The following TRMT1L variants were observed in gnomAD, a reference collection of about 807,000 sequenced individuals.
TRMT1L encodes tRNA (guanine(27)-N(2))-dimethyltransferase.
In TRMT1L, 28 loss-of-function variants were observed where a neutral mutation model predicts 81.6. That is an observed-to-expected ratio of 0.34 (90% CI 0.25 to 0.47). The LOEUF (loss-of-function observed/expected upper bound fraction) is 0.47, where lower values mean the gene tolerates loss of function less well. Among genes scored for constraint, TRMT1L ranks in the 20% least tolerant of loss-of-function variants. The pLI is 1.00. For missense variants in TRMT1L, 739 were observed against 877.1 expected (o/e 0.84, Z 1.99); for synonymous variants, 301 against 303.2 (o/e 0.99, Z 0.07).
chr1:185,139,266 A>G (rs1652976008), intron 9 of TRMT1L, 101 bp downstream of exon 9: 5 of 922,336 alleles, frequency 5.4e-6, no homozygotes, highest in Non-Finnish European at 8.0e-6. Context: ...TACAGAATTT[A>G]TATTTTGTGC....
At chr1:185,124,875 A>G in intron 12 of TRMT1L, 69 bp downstream of exon 12, 1 of 1,388,900 alleles carries the variant, frequency 7.2e-7, no homozygotes, top group Non-Finnish European at 9.8e-7. Context: ...AACATCAAAT[A>G]CAATTGAAAA....
intron 10 of TRMT1L, among the ~76,000 whole-genome samples, chr1:185,132,900 TAGG>T (rs759367545): frequency 1.3e-5 from 2 of 152,222 alleles, no homozygotes; most frequent in African/African-American, 4.8e-5. Flanking sequence ...GGATCTGCGA[TAGG>T]AGATTTATCA....
intron 13 of TRMT1L, among the ~76,000 whole-genome samples, chr1:185,123,522 A>G (rs1163147005): frequency 6.6e-6 from 1 of 152,100 alleles, no homozygotes; most frequent in East Asian, 1.9e-4. Context: ...TTAATGAGCA[A>G]TTTTTAAAAG....
chr1:185,151,686 G>T, intron 2 of TRMT1L, 139 bp downstream of exon 2: 1 of 488,734 alleles, frequency 2.0e-6, no homozygotes, highest in Non-Finnish European at 3.5e-6. Context: ...CCAATTTCCT[G>T]AATAAAAAAC....
intron 10 of TRMT1L, among the ~76,000 whole-genome samples, chr1:185,134,624 T>C (rs1240262534): frequency 6.6e-6 from 1 of 152,276 alleles, no homozygotes; most frequent in African/African-American, 2.4e-5. Flanking sequence ...TTTATAGTTA[T>C]CACTTATCAA....
In TRMT1L at chr1:185,156,908, C is replaced by T. The variant is rs889156239; in HGVS notation, c.-196G>A. On this transcript the variant is annotated 5_prime_UTR_variant, in exon 1 of 15. Coordinates refer to ENST00000367506, the MANE Select transcript of TRMT1L (RefSeq NM_030934.5). Reference sequence around the variant, plus strand: ...TTAGTAGAAAACAGAAAGCCAGAGGCAGCGATTCCAGATGCCCGTCCGCTT... The same window carrying T: ...TTAGTAGAAAACAGAAAGCCAGAGGTAGCGATTCCAGATGCCCGTCCGCTT... The T allele has an allele frequency of 1.4e-5, 10 of 725,930 alleles. No homozygotes were observed. Among genetic ancestry groups the T allele is most frequent in the Non-Finnish European group, 2.1e-5 (10 of 473,362 alleles). The allele number at this position is 725,930 out of a possible 1,614,324, so 45.0% of individuals were successfully genotyped here.
intron 1 of TRMT1L, among the ~76,000 whole-genome samples, chr1:185,152,684 T>C (rs771941818): frequency 7.9e-5 from 12 of 151,962 alleles, no homozygotes; most frequent in Non-Finnish European, 1.5e-4. Flanking sequence ...GCAACAGAAC[T>C]TGGGATATGA....
chr1:185,144,093 A>T (rs1413001494), intron 5 of TRMT1L, 64 bp from the exon 6 acceptor site: 1 of 1,422,006 alleles, frequency 7.0e-7, no homozygotes, highest in Middle Eastern at 1.9e-4. Flanking sequence ...AAAGATTTCC[A>T]AGAAAACACA....
At chr1:185,146,999 A>G (rs753869826) in intron 4 of TRMT1L, among the ~76,000 whole-genome samples, 183 bp downstream of exon 4, 119 of 151,524 alleles carry the variant, frequency 7.9e-4, no homozygotes, top group African/African-American at 2.5e-3. Context: ...GAACTTCAAT[A>G]TAACAATTAT....
chr1:185,149,792 C>T (rs907123165), intron 3 of TRMT1L, among the ~76,000 whole-genome samples: 4 of 152,054 alleles, frequency 2.6e-5, no homozygotes, highest in South Asian at 2.1e-4. Flanking sequence ...TTCTGTCCTT[C>T]GATTTTATTC....
At position 185,144,036 on chromosome 1, in the gene TRMT1L, T is replaced by G; in HGVS notation, c.656-7A>C. 1 of 1,564,630 alleles carries G rather than the reference T, an allele frequency of 6.4e-7. No homozygotes were observed. Among genetic ancestry groups the G allele is most frequent in the Non-Finnish European group, 8.6e-7 (1 of 1,159,380 alleles). ...GGTGGTTTAGCAGTGGAAGCTAAGATGGAAAAAAGAAAAGATTTCCAGGGA... is the reference window on the plus strand; with the variant it reads ...GGTGGTTTAGCAGTGGAAGCTAAGAGGGAAAAAAGAAAAGATTTCCAGGGA... On this transcript the variant is annotated splice_region_variant and splice_polypyrimidine_tract_variant and intron_variant, in intron 5 of 14. Coordinates refer to ENST00000367506, the MANE Select transcript of TRMT1L (RefSeq NM_030934.5).
At chr1:185,131,306 C>T (rs1206309768) in intron 10 of TRMT1L, among the ~76,000 whole-genome samples, 13 of 152,084 alleles carry the variant, frequency 8.5e-5, no homozygotes, top group Non-Finnish European at 1.5e-4. Flanking sequence ...AGCTCTGCCC[C>T]AAGTGCTTTA....
chr1:185,149,505 T>C (rs1228220723), intron 3 of TRMT1L, among the ~76,000 whole-genome samples: 3 of 152,000 alleles, frequency 2.0e-5, no homozygotes, highest in African/African-American at 7.3e-5. Flanking sequence ...GGTCTTACTA[T>C]GTTGCTCAGG....
At chr1:185,150,519 C>A in intron 2 of TRMT1L, 27 bp from the exon 3 acceptor site, 1 of 1,512,230 alleles carries the variant, frequency 6.6e-7, no homozygotes, top group East Asian at 2.3e-5. Context: ...AATCAATAAA[C>A]AACAGAATAT....
chr1:185,122,046 T>A (rs1461481415), intron 13 of TRMT1L, among the ~76,000 whole-genome samples: 1 of 152,166 alleles, frequency 6.6e-6, no homozygotes, highest in Non-Finnish European at 1.5e-5. Context: ...GGCTTTGGTT[T>A]TCTGTTCTTG....
intron 12 of TRMT1L, 191 bp downstream of exon 12, chr1:185,124,753 C>T (rs187991797): frequency 3.8e-5 from 16 of 421,738 alleles, no homozygotes; most frequent in African/African-American, 3.1e-4. Context: ...TCATCTCAGG[C>T]CTGATTACAA....
Position 185,150,491 on chromosome 1 carries a change from G to A in TRMT1L, c.348C>T (p.Gly116=), listed in dbSNP as rs762691702. The A allele has an allele frequency of 6.2e-7, 1 of 1,604,030 alleles. No homozygotes were observed. The highest frequency in any genetic ancestry group is 8.5e-7 in the Non-Finnish European group (1 of 1,171,912). Reference sequence around the variant, plus strand: ...GGCACAATGGACAAGCCTGTCTGTTGCCTTAAAAAGAAAAAAGAATCAATA... The same window carrying A: ...GGCACAATGGACAAGCCTGTCTGTTACCTTAAAAAGAAAAAAGAATCAATA... ...SSLNSDNLDA[G]NRQACPLCPK... The change falls in exon 3 of 15, where the codon GGC becomes GGT. Residue 116 remains glycine, a splice_region_variant and synonymous_variant. Coordinates refer to ENST00000367506, the MANE Select transcript of TRMT1L (RefSeq NM_030934.5).
Position 185,151,900 on chromosome 1 carries a change from G to T in TRMT1L, c.271C>A (p.Leu91Ile). 1 of 1,602,338 alleles carries T rather than the reference G, an allele frequency of 6.2e-7. No individual in the cohort carries two copies. ...HISIQRQLAD[L>I]ENLAFVTDGN... ...TCAGTTACAAAAGCTAAATTCTCTA[G>T]ATCAGCAAGCTGCCTTTGAATTGAG... Residue 91 changes from leucine to isoleucine, a missense_variant, in exon 2 of 15, where the codon CTA (leucine) becomes ATA (isoleucine). Coordinates refer to ENST00000367506, the MANE Select transcript of TRMT1L (RefSeq NM_030934.5).
chr1:185,152,295 T>C (rs1298607476), intron 1 of TRMT1L, among the ~76,000 whole-genome samples: 3 of 152,142 alleles, frequency 2.0e-5, no homozygotes, highest in African/African-American at 7.2e-5. Context: ...TCATATGAGA[T>C]AGGATGAAAT....
Sources: allele counts gnomAD v4.1 joint callset (sites outside exome capture counted in the v4.1 genomes callset), GRCh38; gene constraint gnomAD v4.1.1; transcripts MANE v1.5; gene names NCBI Gene and HGNC (gene_info 2026-07-23, HGNC 2026-07-21).